Variants in FMO2 observed in about 807,000 individuals in gnomAD.
FMO2 encodes flavin containing dimethylaniline monoxygenase 2, also known as flavin-containing monooxygenase 2.
A neutral mutation model predicts 41.6 loss-of-function variants in FMO2; 33 were observed. The observed-to-expected ratio is 0.79, with a 90% CI of 0.60 to 1.06. FMO2 has a LOEUF of 1.06. Ranked by LOEUF, FMO2 falls within the 50% of genes least tolerant of loss-of-function variation. The probability of loss-of-function intolerance (pLI) is 0.00; values close to 1 mark genes in which losing one functional copy is unlikely to be tolerated. For synonymous variants in FMO2, 214 were observed against 219.6 expected (o/e 0.97, Z 0.23); for missense variants, 619 against 632.9 (o/e 0.98, Z 0.23).
rs560873793 is a variant in FMO2, at chr1:171,203,269, G to C, written c.628-596G>C. On this transcript the variant is annotated intron_variant, in intron 5 of 8. Transcript: ENST00000209929. ...GAGCCTGGGAGGTCGAGACTGCAATGAGCTATGACTGCACAACTGCAGTCC... is the reference window on the plus strand; with the variant it reads ...GAGCCTGGGAGGTCGAGACTGCAATCAGCTATGACTGCACAACTGCAGTCC... 3.3e-5 allele frequency among the ~76,000 whole-genome samples: 5 copies of C among 151,736 alleles called. 1 individual carries two copies. The highest frequency in any genetic ancestry group is 1.2e-4 in the African/African-American group (5 of 41,348).
intron 5 of FMO2, among the ~76,000 whole-genome samples, chr1:171,202,451 C>T (rs1658574534): frequency 6.6e-6 from 1 of 152,116 alleles, no homozygotes; most frequent in Non-Finnish European, 1.5e-5. Context: ...AAATTTGTCT[C>T]CAAATTCTGG....
chr1:171,200,665 G>A (rs556722503), intron 5 of FMO2, among the ~76,000 whole-genome samples: 2 of 152,302 alleles, frequency 1.3e-5, no homozygotes, highest in East Asian at 1.9e-4. Flanking sequence ...GTTAGTGCCA[G>A]CCCGGGAACA....
Position 171,199,351 on chromosome 1 carries a change from G to A in FMO2, c.490G>A (p.Glu164Lys). 1.9e-6 allele frequency: 3 copies of A among 1,604,318 alleles called. No homozygotes were observed. Among genetic ancestry groups the A allele is most frequent in the East Asian group, 2.2e-5 (1 of 44,550 alleles). Residue 164 changes from glutamate to lysine, a missense_variant, in exon 5 of 9, where the codon GAG becomes AAG. Glu to Lys is a moderately conservative substitution (Grantham distance 56). Coordinates refer to ENST00000209929, the MANE Select transcript of FMO2 (RefSeq NM_001460.5). ...CTCTCTTCTTCCCCCTGAAGGTATG[G>A]AGAGGTTCAAAGGCCAATATTTCCA... ...HIPLKSFPGM[E>K]RFKGQYFHSR...
chr1:171,211,823 C>T lies in FMO2; in HGVS notation c.*2678C>T, dbSNP rs1336356282. Among the ~76,000 whole-genome samples, 1 of 149,258 alleles carries T rather than the reference C, an allele frequency of 6.7e-6. No individual in the cohort carries two copies. The highest frequency in any genetic ancestry group is 2.6e-5 in the African/African-American group (1 of 38,654). Reference sequence around the variant, plus strand: ...CAGGGAGCTTATAGAAGTGAAGATTCCTGAATATAAACATAGTAATAATTC... The same window carrying T: ...CAGGGAGCTTATAGAAGTGAAGATTTCTGAATATAAACATAGTAATAATTC... On this transcript the variant is annotated 3_prime_UTR_variant, in exon 9 of 9. Coordinates refer to ENST00000209929, the MANE Select transcript of FMO2 (RefSeq NM_001460.5).
chr1:171,198,410 ATTT>A (rs34908571), intron 4 of FMO2, among the ~76,000 whole-genome samples: 10 of 145,170 alleles, frequency 6.9e-5, no homozygotes, highest in Admixed American at 4.8e-4. Flanking sequence ...CTGATAAGTG[ATTT>A]TTTTTTTTTT....
chr1:171,185,577 C>G, intron 1 of FMO2, 131 bp from the exon 2 acceptor site: 2 of 862,908 alleles, frequency 2.3e-6, no homozygotes, highest in South Asian at 4.0e-5. Flanking sequence ...TTGACTGGCT[C>G]TTTATTCAAT....
Position 171,204,046 on chromosome 1 carries a change from G to T in FMO2, c.809G>T (p.Gly270Val). Residue 270 changes from glycine to valine, a missense_variant, in exon 6 of 9, where the codon GGC (glycine) becomes GTC (valine). Gly to Val is a moderately radical substitution (Grantham distance 109). Transcript: ENST00000209929. ...CGGTGGTTCAACCATGAAAATTATG[G>T]CCTTGAGCCTCAAAACAAGTAGAGT... ...MNRWFNHENY[G>V]LEPQNKYIMK... The T allele has an allele frequency of 6.2e-7, 1 of 1,613,442 alleles. No homozygotes were observed.
In FMO2 at chr1:171,196,637, T is replaced by C. The variant is rs1335320395; in HGVS notation, c.322-12T>C. The C allele has an allele frequency of 2.5e-6, 4 of 1,610,628 alleles. No individual in the cohort carries two copies. Among genetic ancestry groups the C allele is most frequent in the Admixed American group, 1.7e-5 (1 of 59,846 alleles). On this transcript the variant is annotated splice_polypyrimidine_tract_variant and intron_variant, in intron 3 of 8. Transcript: ENST00000209929. ...GTAATTCTCAATGATGCCTTCTCTG[T>C]GTTTCTTCAAGACAACTGTCCTTAG...
chr1:171,208,441 A>C (rs1474351757), intron 8 of FMO2, among the ~76,000 whole-genome samples: 2 of 152,212 alleles, frequency 1.3e-5, no homozygotes, highest in Non-Finnish European at 2.9e-5. Flanking sequence ...TCCTTTGAGC[A>C]AGACACCAAG....
In FMO2 at chr1:171,211,416, C is replaced by G. The variant is rs1305869447; in HGVS notation, c.*2271C>G. Among the ~76,000 whole-genome samples, 1 of 152,110 alleles carries G rather than the reference C, an allele frequency of 6.6e-6. No homozygotes were observed. The highest frequency in any genetic ancestry group is 2.4e-5 in the African/African-American group (1 of 41,428). On this transcript the variant is annotated 3_prime_UTR_variant, in exon 9 of 9. Transcript: ENST00000209929. Reference sequence around the variant, plus strand: ...GCATTGTCCCATTTTGCATAACTTGCCTTATTTCATCATTATCACTACCCA... The same window carrying G: ...GCATTGTCCCATTTTGCATAACTTGGCTTATTTCATCATTATCACTACCCA...
chr1:171,195,057 A>T (rs2223231), intron 3 of FMO2, among the ~76,000 whole-genome samples: 152,352 of 152,352 alleles, frequency 1, 76,176 homozygotes, highest in Non-Finnish European at 1. Flanking sequence ...TTTTATGATA[A>T]ATAACTTCTA....
intron 3 of FMO2, among the ~76,000 whole-genome samples, 192 bp downstream of exon 3, chr1:171,193,715 T>G (rs1658182747): frequency 6.6e-6 from 1 of 152,156 alleles, no homozygotes; most frequent in African/African-American, 2.4e-5. Flanking sequence ...TATACATTAA[T>G]TGAAGAGGAA....
chr1:171,189,790 A>G (rs1658007698), intron 2 of FMO2, among the ~76,000 whole-genome samples: 1 of 150,520 alleles, frequency 6.6e-6, no homozygotes, highest in African/African-American at 2.5e-5. Flanking sequence ...GCCTTGTGCC[A>G]CCACACATCT....
chr1:171,185,665 G>C (rs377228298), intron 1 of FMO2, 43 bp from the exon 2 acceptor site: 4 of 1,606,366 alleles, frequency 2.5e-6, no homozygotes, highest in African/African-American at 2.7e-5. Flanking sequence ...TCTCTTACCG[G>C]TTGTCCCAGT....
chr1:171,207,757 A>G lies in FMO2; in HGVS notation c.1223A>G (p.Asp408Gly), dbSNP rs772977300. 3.7e-6 allele frequency: 6 copies of G among 1,610,018 alleles called. No homozygotes were observed. The highest frequency in any genetic ancestry group is 5.1e-6 in the Non-Finnish European group (6 of 1,176,796). The change falls in exon 8 of 9, where the codon GAC becomes GGC. Residue 408 changes from aspartate (D) to glycine (G), a missense_variant. Asp to Gly is a moderately conservative substitution (Grantham distance 94). Coordinates refer to ENST00000209929, the MANE Select transcript of FMO2 (RefSeq NM_001460.5). ...SLPSERTMMM[D>G]IIKRNEKRID... ...CCCTCAGAGAGAACTATGATGATGG[A>G]CATTATCAAAAGGAATGAAAAAAGA...
At chr1:171,193,867 C>T (rs998821201) in intron 3 of FMO2, among the ~76,000 whole-genome samples, 1 of 151,914 alleles carries the variant, frequency 6.6e-6, no homozygotes, top group South Asian at 2.1e-4. Flanking sequence ...GCAACCTCTG[C>T]CTTCCAGGCT....
rs868127682 is a variant in FMO2 at position 171,193,606 on chromosome 1, A to C, written c.321+83A>C. The stretch of plus-strand genomic sequence containing the variant: ...GAAAAGTTACTCTGATAATGAAAGC[A>C]ATTATGAATGAAGTATCCCATTCTA... On this transcript the variant is annotated intron_variant, in intron 3 of 8. Transcript: ENST00000209929. The C allele has an allele frequency of 2.0e-5, 18 of 904,022 alleles. 2 individuals carry two copies. The Middle Eastern group carries it at 2.8e-3, about 142-fold the overall frequency. The allele number at this position is 904,022 out of a possible 1,614,324, so 56.0% of individuals were successfully genotyped here.
At chr1:171,198,563 C>T (rs560773841) in intron 4 of FMO2, among the ~76,000 whole-genome samples, 20 of 152,048 alleles carry the variant, frequency 1.3e-4, no homozygotes, top group Non-Finnish European at 8.8e-5. Flanking sequence ...TACAAGTGCA[C>T]GACCACCCCT....
intron 2 of FMO2, chr1:171,188,845 C>T (rs1210786436): frequency 6.6e-6 from 1 of 152,154 alleles, no homozygotes; most frequent in Non-Finnish European, 1.5e-5. Flanking sequence ...CTCTCCAGCA[C>T]CCCCTAGTGG....
Sources: allele counts gnomAD v4.1 joint callset (sites outside exome capture counted in the v4.1 genomes callset), GRCh38; gene constraint gnomAD v4.1.1; transcripts MANE v1.5; gene names NCBI Gene and HGNC (gene_info 2026-07-23, HGNC 2026-07-21).